PCDHGB2: variants seen among roughly 807,000 people sequenced by gnomAD.
PCDHGB2 encodes the protein protocadherin gamma-B2.
In PCDHGB2, 55 loss-of-function variants were observed where a neutral mutation model predicts 59.3. The ratio of observed to expected loss-of-function variants is 0.93; its 90% confidence interval spans 0.75 to 1.16. The LOEUF (loss-of-function observed/expected upper bound fraction) is 1.16. Ranked by LOEUF, PCDHGB2 falls within the 50% of genes most tolerant of loss-of-function variation. The pLI is 0.00. For missense variants in PCDHGB2, 1,228 were observed against 1,198.5 expected (o/e 1.02, Z -0.36); for synonymous variants, 516 against 512.0 (o/e 1.01, Z -0.11).
intron 2 of PCDHGB2, among the ~76,000 whole-genome samples, chr5:141,496,557 C>T (rs190275684): frequency 2.0e-5 from 3 of 152,258 alleles, no homozygotes; most frequent in Admixed American, 1.3e-4. Flanking sequence ...TGGGCATGCA[C>T]AGTCCTGTCA....
At chr5:141,383,551 G>T (rs772901140) in intron 1 of PCDHGB2, 11 of 1,612,380 alleles carry the variant, frequency 6.8e-6, no homozygotes, top group Non-Finnish European at 9.3e-6. Context: ...CTCTGATGGC[G>T]GCGACCCGCC....
rs1230384508 is a variant in PCDHGB2 at position 141,490,990 on chromosome 5, C to T, written c.2422-3817C>T. On this transcript the variant is annotated intron_variant, in intron 1 of 3. Coordinates refer to ENST00000522605, the MANE Select transcript of PCDHGB2 (RefSeq NM_018923.3). The surrounding 1 kb of genome is among the most constrained non-coding windows in gnomAD (Gnocchi z 5.4). ...CCCCCAGCGTCTCCCTCGCTCTGCT[C>T]CTCCTGGCTCCTTGGTCACCAAGGT... 6 of 1,614,102 alleles carry T rather than the reference C, an allele frequency of 3.7e-6. No homozygotes were observed. The highest frequency in any genetic ancestry group is 1.3e-5 in the African/African-American group (1 of 75,064).
chr5:141,477,861 G>T lies in PCDHGB2; in HGVS notation c.2422-16946G>T. 6.2e-7 allele frequency: 1 copy of T among 1,612,714 alleles called. No homozygotes were observed. Among genetic ancestry groups the T allele is most frequent in the Non-Finnish European group, 8.5e-7 (1 of 1,179,590 alleles). ...GGGAGCTCGGTGGAGATGCTGCCTC[G>T]AGGTACCTCAGCTGGCCACCTAGTG... On this transcript the variant is annotated intron_variant, in intron 1 of 3. Coordinates refer to ENST00000522605, the MANE Select transcript of PCDHGB2 (RefSeq NM_018923.3). This position sits in a 1 kb window ranked among gnomAD's most constrained non-coding sequence, Gnocchi z 4.9.
chr5:141,503,400 A>C (rs2099819725), intron 2 of PCDHGB2, among the ~76,000 whole-genome samples: 1 of 151,750 alleles, frequency 6.6e-6, no homozygotes, highest in Non-Finnish European at 1.5e-5. Context: ...TTCGAAACCA[A>C]CCTGGCCAAT....
chr5:141,457,429 C>A (rs73280316), intron 1 of PCDHGB2, among the ~76,000 whole-genome samples: 7 of 152,178 alleles, frequency 4.6e-5, no homozygotes, highest in Non-Finnish European at 7.4e-5. Flanking sequence ...TTTTCCCCCC[C>A]ACCAAGCTGC....
In PCDHGB2 at chr5:141,364,378, CT is replaced by C. The variant is rs1763292198; in HGVS notation, c.2421+1824del. The stretch of plus-strand genomic sequence containing the variant: ...GGGGCTGCGGAGAGCTGCTGCTGCC[CT>C]TCATGCTCCTGGGGACGCTGTGCGA... On this transcript the variant is annotated intron_variant, in intron 1 of 3. Transcript: ENST00000522605. 5 of 1,579,064 alleles carry C rather than the reference CT, an allele frequency of 3.2e-6. No individual in the cohort carries two copies. The East Asian group carries it at 1.1e-4, about 35-fold the overall frequency.
intron 1 of PCDHGB2, chr5:141,366,646 GC>G: frequency 6.2e-7 from 1 of 1,614,248 alleles, no homozygotes; most frequent in South Asian, 1.1e-5. Context: ...TCTTTCCCCA[GC>G]CCAACTACGC....
intron 1 of PCDHGB2, among the ~76,000 whole-genome samples, chr5:141,373,736 A>G (rs1260777730): frequency 6.6e-6 from 1 of 152,226 alleles, no homozygotes. Flanking sequence ...TAAATGCTTC[A>G]TTATCTTGGG....
chr5:141,380,433 A>G (rs1228885429), intron 1 of PCDHGB2, among the ~76,000 whole-genome samples: 1 of 152,256 alleles, frequency 6.6e-6, no homozygotes, highest in Non-Finnish European at 1.5e-5. Context: ...TAGACTTTAC[A>G]TAGAATTCTT....
At position 141,361,425 on chromosome 5, in the gene PCDHGB2, G is replaced by A. The variant is rs1318279752; in HGVS notation, c.1290G>A (p.Pro430=). 1 of 1,614,000 alleles carries A rather than the reference G, an allele frequency of 6.2e-7. No homozygotes were observed. The highest frequency in any genetic ancestry group is 1.7e-5 in the Admixed American group (1 of 60,028). ...LTITATDGGK[P]PLSSSIIVTL... ...TCACAGCCACCGACGGGGGCAAGCC[G>A]CCCCTCTCCTCCAGCATAATTGTCA... The change falls in exon 1 of 4, where the codon CCG becomes CCA. Residue 430 remains proline, a synonymous_variant. Coordinates refer to ENST00000522605, the MANE Select transcript of PCDHGB2 (RefSeq NM_018923.3).
At chr5:141,469,362 G>GT (rs1212141268) in intron 1 of PCDHGB2, among the ~76,000 whole-genome samples, 4 of 152,084 alleles carry the variant, frequency 2.6e-5, no homozygotes, top group Non-Finnish European at 5.9e-5. Flanking sequence ...GGATCATGAG[G>GT]TAAAGAGATC....
chr5:141,361,460 TCTC>T lies in PCDHGB2; in HGVS notation c.1327_1329del (p.Ser443del). ...TCCAGCATAATTGTCACCCTGCACATCTCCGACGTCAACGATAATGCCCCAGTT... is the reference window on the plus strand; with the variant it reads ...TCCAGCATAATTGTCACCCTGCACATCGACGTCAACGATAATGCCCCAGTT... On this transcript the variant is annotated inframe_deletion, in exon 1 of 4. Transcript: ENST00000522605. The T allele has an allele frequency of 6.2e-7, 1 of 1,613,974 alleles. No individual in the cohort carries two copies. Among genetic ancestry groups the T allele is most frequent in the East Asian group, 2.2e-5 (1 of 44,866 alleles).
chr5:141,373,525 A>G (rs1404075299), intron 1 of PCDHGB2, among the ~76,000 whole-genome samples: 1 of 152,222 alleles, frequency 6.6e-6, no homozygotes, highest in Non-Finnish European at 1.5e-5. Flanking sequence ...TTTGTCTCCA[A>G]AAAAGTGTTT....
At chr5:141,414,472 A>C (rs1039987036) in intron 1 of PCDHGB2, 5 of 1,613,796 alleles carry the variant, frequency 3.1e-6, no homozygotes, top group African/African-American at 1.3e-5. Flanking sequence ...AGATGGGGGA[A>C]GTCCTCCTCT....
At chr5:141,408,990 A>T (rs1554103244) in intron 1 of PCDHGB2, 1 of 1,613,984 alleles carries the variant, frequency 6.2e-7, no homozygotes, top group South Asian at 1.1e-5. Flanking sequence ...CCTGTGTTGC[A>T]AGTGACAGCC....
chr5:141,379,805 G>T (rs183993206), intron 1 of PCDHGB2, among the ~76,000 whole-genome samples: 71 of 149,374 alleles, frequency 4.8e-4, no homozygotes, highest in African/African-American at 1.7e-3. Flanking sequence ...GAGGTTTTGA[G>T]AGTTCAGTAT....
At chr5:141,433,869 T>C (rs1293077938) in intron 1 of PCDHGB2, among the ~76,000 whole-genome samples, 8 of 151,960 alleles carry the variant, frequency 5.3e-5, no homozygotes, top group Non-Finnish European at 7.4e-5. Flanking sequence ...TATCCTCTAG[T>C]TTCATCCATT....
rs1686238986 is a variant in PCDHGB2 at position 141,431,536 on chromosome 5, G to A, written c.2422-63271G>A. The A allele has an allele frequency of 6.2e-7, 1 of 1,614,070 alleles. No homozygotes were observed. Among genetic ancestry groups the A allele is most frequent in the African/African-American group, 1.3e-5 (1 of 75,064 alleles). On this transcript the variant is annotated intron_variant, in intron 1 of 3. Transcript: ENST00000522605. The surrounding 1 kb of genome is among the most constrained non-coding windows in gnomAD (Gnocchi z 4.8). ...TTCCGGAGAATCTGGCCTTGGGCAC[G>A]CAGCTGCTTGTAGTCAACGCTACCG... is the stretch of plus-strand genomic sequence containing the variant.
At chr5:141,458,774 A>G (rs2154566349) in intron 1 of PCDHGB2, among the ~76,000 whole-genome samples, 1 of 151,812 alleles carries the variant, frequency 6.6e-6, no homozygotes, top group Admixed American at 6.6e-5. Flanking sequence ...GCTGTGTCAC[A>G]CAGGCTGGAG....
Sources: gnomAD v4.1 joint callset for allele counts (sites outside exome capture counted in the v4.1 genomes callset) on GRCh38, gnomAD v4.1.1 for gene constraint, Gnocchi (gnomAD v3.1) non-coding constraint, MANE v1.5 for transcripts, NCBI Gene and HGNC (gene_info 2026-07-23, HGNC 2026-07-21) for gene names.